The following SPEG variants were observed in gnomAD, a reference collection of about 807,000 sequenced individuals.
The protein encoded by SPEG is striated muscle preferentially expressed protein kinase.
SPEG carries 114 observed loss-of-function variants against 300.4 expected under a neutral mutation model. The ratio of observed to expected loss-of-function variants is 0.38; its 90% CI spans 0.33 to 0.44. The LOEUF is 0.44. Among genes scored for constraint, SPEG ranks in the 20% least tolerant of loss-of-function variants. SPEG has a pLI of 1.00. For missense variants in SPEG, 4,201 were observed against 4,586.2 expected (o/e 0.92, Z 2.43); for synonymous variants, 1,964 against 2,018.9 (o/e 0.97, Z 0.73).
rs1373977648 is a variant in SPEG, at chr2:219,473,688, G to A, written c.4272-40G>A. On this transcript the variant is annotated intron_variant, in intron 17 of 40. Transcript: ENST00000312358. The surrounding 1 kb of genome is among the most constrained non-coding windows in gnomAD (Gnocchi z 4.6). Reference sequence around the variant, plus strand: ...GGCCCAGCCTGGCCGGAATGCCCTGGGGCAAGATCTGGGTGACCTCCCTGT... The same window carrying A: ...GGCCCAGCCTGGCCGGAATGCCCTGAGGCAAGATCTGGGTGACCTCCCTGT... 1 of 1,613,258 alleles carries A rather than the reference G, an allele frequency of 6.2e-7. No individual in the cohort carries two copies. The highest frequency in any genetic ancestry group is 8.5e-7 in the Non-Finnish European group (1 of 1,179,380).
At chr2:219,489,974 G>C in intron 36 of SPEG, 35 bp downstream of exon 36, 1 of 1,527,498 alleles carries the variant, frequency 6.5e-7, no homozygotes, top group Non-Finnish European at 8.8e-7. Flanking sequence ...AGGACAGAGG[G>C]GAGTGGGCCA....
chr2:219,477,102 A>G lies in SPEG; in HGVS notation c.4560+120A>G. 1 of 1,045,460 alleles carries G rather than the reference A, an allele frequency of 9.6e-7. No individual in the cohort carries two copies. 64.8% of individuals were successfully genotyped at this position (1,045,460 alleles called of 1,614,324 possible). On this transcript the variant is annotated intron_variant, in intron 19 of 40. Coordinates refer to ENST00000312358, the MANE Select transcript of SPEG (RefSeq NM_005876.5). The surrounding 1 kb of genome is among the most constrained non-coding windows in gnomAD (Gnocchi z 6.4). The stretch of plus-strand genomic sequence containing the variant: ...GGCAGAGGCGTGGTTAGGAGGAGGA[A>G]AGGGGCTGCAGAGGACTGACTAGCT...
At position 219,478,018 on chromosome 2, in the gene SPEG, G is replaced by A. The variant is rs779131208; in HGVS notation, c.4940G>A (p.Arg1647Gln). The change falls in exon 22 of 41, where the codon CGG (arginine) becomes CAG (glutamine). Residue 1647 changes from arginine to glutamine, a missense_variant. Physicochemically the swap from Arg to Gln is conservative, Grantham distance 43. Around this residue, in one of 4 missense-constraint regions of SPEG, gnomAD observed 1,047 missense variants for 1,356.8 expected, o/e 0.77. Coordinates refer to ENST00000312358, the MANE Select transcript of SPEG (RefSeq NM_005876.5). ...KPKASARREA[R>Q]LLARLQHDCV... The stretch of plus-strand genomic sequence containing the variant: ...AAGGCATCAGCGCGTCGGGAGGCCC[G>A]GCTGCTGGCCAGGCTCCAGCACGAC... The A allele has an allele frequency of 1.1e-5, 17 of 1,614,174 alleles. No individual in the cohort carries two copies. The highest frequency in any genetic ancestry group is 8.9e-5 in the East Asian group (4 of 44,870).
chr2:219,487,782 C>T (rs1693579363), intron 31 of SPEG, among the ~76,000 whole-genome samples: 1 of 152,224 alleles, frequency 6.6e-6, no homozygotes, highest in Non-Finnish European at 1.5e-5. Flanking sequence ...CAATTCTCTT[C>T]TCACTTGCCC....
chr2:219,457,223 A>C (rs1031231893), intron 6 of SPEG, among the ~76,000 whole-genome samples: 2 of 152,196 alleles, frequency 1.3e-5, no homozygotes, highest in South Asian at 2.1e-4. Flanking sequence ...GGAAGGGCCA[A>C]GCCACAGGCA....
At chr2:219,449,311 C>T (rs1575060188) in intron 4 of SPEG, 40 bp downstream of exon 4, 18 of 1,339,404 alleles carry the variant, frequency 1.3e-5, no homozygotes, top group Non-Finnish European at 1.6e-5. Context: ...CCTGAACCCC[C>T]GTCGGGGGGC....
rs71040459 is a variant in SPEG at position 219,463,392 on chromosome 2, ATTTTTTTTTTTTTTT to A, written c.2706-1017_2706-1003del. ...AATTGATTGTCTGGTCCCCACTGTGATTTTTTTTTTTTTTTTTTTTTTTTTTTTTTTTTTTTTTAG... is the reference window on the plus strand; with the variant it reads ...AATTGATTGTCTGGTCCCCACTGTGATTTTTTTTTTTTTTTTTTTTTTTAG... On this transcript the variant is annotated intron_variant, in intron 8 of 40. Coordinates refer to ENST00000312358, the MANE Select transcript of SPEG (RefSeq NM_005876.5). Among the ~76,000 whole-genome samples the A allele has an allele frequency of 7.5e-4, 18 of 23,942 alleles. No individual in the cohort carries two copies. In the South Asian group the frequency reaches 0.018, roughly 24 times the overall value. 15.7% of individuals were successfully genotyped at this position (23,942 alleles called of 152,430 possible). A position where few individuals can be genotyped will look rare whatever the true frequency, so the allele number is the denominator to read the frequency against.
At chr2:219,475,956 G>A (rs1432289145) in intron 18 of SPEG, among the ~76,000 whole-genome samples, 2 of 151,652 alleles carry the variant, frequency 1.3e-5, no homozygotes, top group South Asian at 2.1e-4. Context: ...GTCCACACCC[G>A]GCCGCCCTGC....
intron 1 of SPEG, among the ~76,000 whole-genome samples, chr2:219,440,029 C>T (rs1034054654): frequency 3.3e-5 from 5 of 152,184 alleles, no homozygotes; most frequent in Admixed American, 2.6e-4. Context: ...TGCTTTGATG[C>T]TCTAGGAAAC....
chr2:219,477,517 C>A lies in SPEG; in HGVS notation c.4729+72C>A. The A allele has an allele frequency of 6.8e-7, 1 of 1,477,454 alleles. No individual in the cohort carries two copies. The allele number at this position is 1,477,454 out of a possible 1,614,324, so 91.5% of individuals were successfully genotyped here. A position where few individuals can be genotyped will look rare whatever the true frequency, so the allele number is the denominator to read the frequency against. On this transcript the variant is annotated intron_variant, in intron 20 of 40. Coordinates refer to ENST00000312358, the MANE Select transcript of SPEG (RefSeq NM_005876.5). The surrounding 1 kb of genome is among the most constrained non-coding windows in gnomAD (Gnocchi z 6.4). ...CTGATGTGACCCTCCATGCTCTGCCCAGGAAGCAGCCAGCCCTGGACTCGA... is the reference window on the plus strand; with the variant it reads ...CTGATGTGACCCTCCATGCTCTGCCAAGGAAGCAGCCAGCCCTGGACTCGA...
rs968317292 is a variant in SPEG at position 219,448,412 on chromosome 2, C to T, written c.1254C>T (p.Asp418=). ...EERRRSLERS[D]SPPAPLRPWV... ...GACGGCGCAGCCTGGAGCGCAGCGA[C>T]TCGCCGCCGGCGCCCCTGCGGCCCT... is the stretch of plus-strand genomic sequence containing the variant. Residue 418 remains aspartate (D), a synonymous_variant, in exon 4 of 41, where the codon GAC becomes GAT. Transcript: ENST00000312358. 5 of 1,527,580 alleles carry T rather than the reference C, an allele frequency of 3.3e-6. No individual in the cohort carries two copies. The highest frequency in any genetic ancestry group is 1.4e-5 in the African/African-American group (1 of 70,658). 94.6% of individuals were successfully genotyped at this position (1,527,580 alleles called of 1,614,324 possible). A position where few individuals can be genotyped will look rare whatever the true frequency, so the allele number is the denominator to read the frequency against.
In SPEG at chr2:219,469,005, C is replaced by A. The variant is rs1219840433; in HGVS notation, c.3448C>A (p.Gln1150Lys). ...NTHGQAHCSAQLYVEEPRTAA... is the reference protein window; with the variant it reads ...NTHGQAHCSAKLYVEEPRTAA... Reference sequence around the variant, plus strand: ...CCATGGCCAGGCCCACTGCTCAGCCCAGCTGTATGTAGAAGAGCCCCGGAC... The same window carrying A: ...CCATGGCCAGGCCCACTGCTCAGCCAAGCTGTATGTAGAAGAGCCCCGGAC... The change falls in exon 12 of 41, where the codon CAG (glutamine) becomes AAG (lysine). Residue 1150 changes from glutamine to lysine, a missense_variant. Physicochemically the swap from Gln to Lys is moderately conservative, Grantham distance 53 (BLOSUM62 1). Transcript: ENST00000312358. The A allele has an allele frequency of 1.2e-6, 2 of 1,613,842 alleles. No individual in the cohort carries two copies. Among genetic ancestry groups the A allele is most frequent in the Non-Finnish European group, 1.7e-6 (2 of 1,179,980 alleles).
chr2:219,472,997 C>T lies in SPEG; in HGVS notation c.4048C>T (p.Arg1350Cys), dbSNP rs201464052. ...REPGWAATGL[R>C]KGVQHIFRVL... ...GCCAGGGTGGGCAGCCACAGGGCTG[C>T]GTAAGGGGGTCCAGCACATCTTCCG... The change falls in exon 16 of 41, where the codon CGT becomes TGT. Residue 1350 changes from arginine (R) to cysteine (C), a missense_variant. Transcript: ENST00000312358. 35 of 1,613,840 alleles carry T rather than the reference C, an allele frequency of 2.2e-5. No individual in the cohort carries two copies. Among genetic ancestry groups the T allele is most frequent in the African/African-American group, 1.2e-4 (9 of 74,918 alleles).
chr2:219,467,246 C>T lies in SPEG; in HGVS notation c.2954C>T (p.Ala985Val), dbSNP rs771838883. The T allele has an allele frequency of 3.7e-6, 6 of 1,606,468 alleles. No individual in the cohort carries two copies. The highest frequency in any genetic ancestry group is 1.3e-5 in the African/African-American group (1 of 75,028). ...GTGGACGTGGGGGCCGGGGAGATGG[C>T]GCTGTTTGAGTGCCTGGTGGCGGGG... ...QDVDVGAGEM[A>V]LFECLVAGPT... The change falls in exon 10 of 41, where the codon GCG becomes GTG. Residue 985 changes from alanine (A) to valine (V), a missense_variant. Coordinates refer to ENST00000312358, the MANE Select transcript of SPEG (RefSeq NM_005876.5).
In SPEG at chr2:219,451,939, A is replaced by G; in HGVS notation, c.2440+132A>G. 2 of 957,024 alleles carry G rather than the reference A, an allele frequency of 2.1e-6. No individual in the cohort carries two copies. The highest frequency in any genetic ancestry group is 3.0e-6 in the Non-Finnish European group (2 of 675,692). The allele number at this position is 957,024 out of a possible 1,614,324, so 59.3% of individuals were successfully genotyped here. A position where few individuals can be genotyped will look rare whatever the true frequency, so the allele number is the denominator to read the frequency against. On this transcript the variant is annotated intron_variant, in intron 6 of 40. Coordinates refer to ENST00000312358, the MANE Select transcript of SPEG (RefSeq NM_005876.5). The surrounding 1 kb of genome is among the most constrained non-coding windows in gnomAD (Gnocchi z 6.4). Reference sequence around the variant, plus strand: ...CCCCGCCAGCATACTTAGTCCATGCAGTCCCTTCTGGGTGTCGGCAGCTTT... The same window carrying G: ...CCCCGCCAGCATACTTAGTCCATGCGGTCCCTTCTGGGTGTCGGCAGCTTT...
At chr2:219,446,925 T>C (rs1204931986) in intron 3 of SPEG, among the ~76,000 whole-genome samples, 1 of 152,222 alleles carries the variant, frequency 6.6e-6, no homozygotes, top group Admixed American at 6.5e-5. Flanking sequence ...ATTTTACAGA[T>C]TTTTATTAAG....
intron 9 of SPEG, 146 bp from the exon 10 acceptor site, chr2:219,467,028 A>G (rs1482296572): frequency 1.7e-6 from 2 of 1,172,716 alleles, no homozygotes; most frequent in Admixed American, 3.0e-5. Context: ...TGTCCTGGCC[A>G]GGTGGGTGGG....
In SPEG at chr2:219,443,639, T is replaced by C. The variant is rs1689077846; in HGVS notation, c.389-1014T>C. 1 of 299,128 alleles carries C rather than the reference T, an allele frequency of 3.3e-6. No individual in the cohort carries two copies. The highest frequency in any genetic ancestry group is 6.6e-6 in the Non-Finnish European group (1 of 151,234). 18.5% of individuals were successfully genotyped at this position (299,128 alleles called of 1,614,324 possible). On this transcript the variant is annotated intron_variant, in intron 1 of 40. Transcript: ENST00000312358. This position sits in a 1 kb window ranked among gnomAD's most constrained non-coding sequence, Gnocchi z 4.6. ...CATCATGATGCAGACAGATAAGGGG[T>C]TGGTTTGCAAAGAGGGGTCAAAGCA... is the stretch of plus-strand genomic sequence containing the variant.
rs771154003 is a variant in SPEG, at chr2:219,472,252, C to A, written c.3861C>A (p.Gly1287=). ...ATGTGGTCCCAGGCCCTCCAGATGG[C>A]GCCCCGCAGGTGGTGGCTGTGACGG... ...VTDVVPGPPD[G]APQVVAVTGR... The change falls in exon 15 of 41, where the codon GGC becomes GGA. Residue 1287 remains glycine, a synonymous_variant. Transcript: ENST00000312358. 4 of 1,613,834 alleles carry A rather than the reference C, an allele frequency of 2.5e-6. No individual in the cohort carries two copies. The Admixed American group carries it at 6.7e-5, about 27-fold the overall frequency.
Sources: gnomAD v4.1 joint callset for allele counts (sites outside exome capture counted in the v4.1 genomes callset) on GRCh38, gnomAD v4.1.1 for gene constraint, gnomAD v4.1.1 regional missense constraint, Gnocchi (gnomAD v3.1) non-coding constraint, MANE v1.5 for transcripts, NCBI Gene and HGNC (gene_info 2026-07-23, HGNC 2026-07-21) for gene names.